Variants in GPCPD1 observed in about 807,000 individuals in gnomAD.
GPCPD1 encodes glycerophosphocholine phosphodiesterase 1, also known as glycerophosphocholine phosphodiesterase GPCPD1.
In GPCPD1, 29 loss-of-function variants were observed where a neutral mutation model predicts 89.2. That is an observed-to-expected ratio of 0.33 (90% CI 0.24 to 0.44). The LOEUF is 0.44. GPCPD1 is among the 20% of genes least tolerant of loss of function. The pLI is 1.00. For synonymous variants in GPCPD1, 258 were observed against 266.3 expected, an observed-to-expected ratio of 0.97 and a Z score of 0.30; for missense variants, 594 against 808.9, an observed-to-expected ratio of 0.73 and a Z score of 3.22.
intron 2 of GPCPD1, among the ~76,000 whole-genome samples, chr20:5,602,897 C>T (rs1425982157): frequency 2.0e-5 from 3 of 150,810 alleles, no homozygotes; most frequent in Non-Finnish European, 1.5e-5. Context: ...ACAGAAGAAT[C>T]GCTTGAATTC....
Position 5,559,165 on chromosome 20 carries a change from C to A in GPCPD1, c.1533-346G>T, listed in dbSNP as rs571726806. ...GCAGTGAGCCGAGATCACACCACTG[C>A]ACTCCAGCCTGGGCAACAGAACAAG... On this transcript the variant is annotated intron_variant, in intron 17 of 19. Coordinates refer to ENST00000379019, the MANE Select transcript of GPCPD1 (RefSeq NM_019593.5). 1.7e-4 allele frequency among the ~76,000 whole-genome samples: 26 copies of A among 152,198 alleles called. No individual in the cohort carries two copies. The South Asian group carries it at 5.4e-3, about 32-fold the overall frequency.
intron 1 of GPCPD1, among the ~76,000 whole-genome samples, chr20:5,608,443 G>C (rs1980740637): frequency 6.6e-6 from 1 of 152,110 alleles, no homozygotes; most frequent in East Asian, 1.9e-4. Flanking sequence ...AGCCTCAGGA[G>C]CTGTTCCAAA....
chr20:5,599,082 T>C (rs188682739), intron 2 of GPCPD1, among the ~76,000 whole-genome samples: 121 of 152,266 alleles, frequency 7.9e-4, no homozygotes, highest in African/African-American at 2.8e-3. Flanking sequence ...CAACTACTCA[T>C]TGAGCCAGTA....
chr20:5,599,358 C>G (rs1342109688), intron 2 of GPCPD1, among the ~76,000 whole-genome samples: 1 of 151,914 alleles, frequency 6.6e-6, no homozygotes, highest in Admixed American at 6.6e-5. Context: ...CCCAGCTACT[C>G]AGGAGGCTGA....
At chr20:5,558,952 C>T (rs1985930911) in intron 17 of GPCPD1, 133 bp from the exon 18 acceptor site, 2 of 640,182 alleles carry the variant, frequency 3.1e-6, no homozygotes, top group African/African-American at 1.9e-5. Flanking sequence ...CCTGTAATCC[C>T]AACACTTTGG....
At chr20:5,603,769 C>T (rs558551831) in intron 2 of GPCPD1, among the ~76,000 whole-genome samples, 25 of 140,516 alleles carry the variant, frequency 1.8e-4, no homozygotes, top group African/African-American at 5.6e-4. Flanking sequence ...TTTTTTGAGA[C>T]GGATTCTGGC....
intron 10 of GPCPD1, 78 bp downstream of exon 10, chr20:5,575,335 C>A: frequency 9.9e-7 from 1 of 1,009,086 alleles, no homozygotes; most frequent in Non-Finnish European, 1.5e-6. Context: ...ATCATTTGAC[C>A]TTTGCTGAGA....
chr20:5,584,031 C>A (rs1978738532), intron 6 of GPCPD1, among the ~76,000 whole-genome samples: 1 of 152,170 alleles, frequency 6.6e-6, no homozygotes, highest in South Asian at 2.1e-4. Context: ...CATTGCTTAA[C>A]AATGAAGATA....
chr20:5,578,735 AATGT>A lies in GPCPD1; in HGVS notation c.474-128_474-125del. 4 of 641,852 alleles carry A rather than the reference AATGT, an allele frequency of 6.2e-6. No homozygotes were observed. In the East Asian group the frequency reaches 1.1e-4, roughly 17 times the overall value. The allele number at this position is 641,852 out of a possible 1,614,324, so 39.8% of individuals were successfully genotyped here. A position where few individuals can be genotyped will look rare whatever the true frequency, so the allele number is the denominator to read the frequency against. The stretch of plus-strand genomic sequence containing the variant: ...TGCTAAATCTTCGAATAACAAAAAT[AATGT>A]ATTATGCAAAGATTACACATACTAC... On this transcript the variant is annotated intron_variant, in intron 7 of 19. Transcript: ENST00000379019.
intron 19 of GPCPD1, among the ~76,000 whole-genome samples, chr20:5,553,858 A>G (rs1344971398): frequency 6.6e-6 from 1 of 152,240 alleles, no homozygotes; most frequent in Non-Finnish European, 1.5e-5. Context: ...CTGTCTCCAT[A>G]ACGTAAAAGT....
rs543583514 is a variant in GPCPD1, at chr20:5,556,339, AG to A, written c.1829+1605del. 2.4e-4 allele frequency among the ~76,000 whole-genome samples: 36 copies of A among 152,036 alleles called. No individual in the cohort carries two copies. In the South Asian group the frequency reaches 7.1e-3, roughly 30 times the overall value. ...TCTCCTGCCTCAGCCCCGAGCAGCT[AG>A]GATTACAGGCATGTGCCACCACACC... On this transcript the variant is annotated intron_variant, in intron 19 of 19. Coordinates refer to ENST00000379019, the MANE Select transcript of GPCPD1 (RefSeq NM_019593.5).
At chr20:5,607,618 A>T (rs1026444312) in intron 1 of GPCPD1, among the ~76,000 whole-genome samples, 6 of 151,872 alleles carry the variant, frequency 4.0e-5, no homozygotes, top group Non-Finnish European at 7.4e-5. Context: ...CTTCATCAAA[A>T]TAATTTCTAA....
intron 19 of GPCPD1, 47 bp from the exon 20 acceptor site, chr20:5,547,897 G>T (rs1265981747): frequency 9.6e-7 from 1 of 1,044,482 alleles, no homozygotes; most frequent in Non-Finnish European, 1.4e-6. Flanking sequence ...TAATTTTATG[G>T]TTTACCTAAG....
chr20:5,589,057 T>C (rs1979139244), intron 4 of GPCPD1, among the ~76,000 whole-genome samples: 1 of 152,152 alleles, frequency 6.6e-6, no homozygotes, highest in South Asian at 2.1e-4. Flanking sequence ...TCCAGTCTCA[T>C]CTGCCCACTA....
chr20:5,558,321 A>G (rs944575986), intron 18 of GPCPD1, among the ~76,000 whole-genome samples: 1 of 152,174 alleles, frequency 6.6e-6, no homozygotes, highest in African/African-American at 2.4e-5. Context: ...ATAAGCATAC[A>G]TATTGAATGT....
intron 3 of GPCPD1, among the ~76,000 whole-genome samples, chr20:5,593,884 G>A (rs1290383871): frequency 1.2e-4 from 18 of 152,180 alleles, no homozygotes; most frequent in Admixed American, 1.2e-3. Flanking sequence ...GAGACTTTGG[G>A]TCGCAGCTTT....
chr20:5,601,980 C>A (rs918420173), intron 2 of GPCPD1, among the ~76,000 whole-genome samples: 4 of 152,188 alleles, frequency 2.6e-5, no homozygotes, highest in Non-Finnish European at 5.9e-5. Flanking sequence ...GACTTGAATG[C>A]TTACTAAAGA....
chr20:5,561,331 G>A (rs1986065237), intron 16 of GPCPD1, 134 bp downstream of exon 16: 2 of 516,022 alleles, frequency 3.9e-6, no homozygotes, highest in Non-Finnish European at 7.0e-6. Context: ...GGTCCAATAA[G>A]CATTGTGCTT....
chr20:5,603,008 AG>A (rs987065722), intron 2 of GPCPD1, among the ~76,000 whole-genome samples: 1 of 135,836 alleles, frequency 7.4e-6, no homozygotes, highest in African/African-American at 2.8e-5. Flanking sequence ...AAAAAAAAAG[AG>A]GGGGCTGGGC....
Sources: gnomAD v4.1 joint callset for allele counts (sites outside exome capture counted in the v4.1 genomes callset) on GRCh38, gnomAD v4.1.1 for gene constraint, MANE v1.5 for transcripts, NCBI Gene and HGNC (gene_info 2026-07-23, HGNC 2026-07-21) for gene names.